Variants in CNTNAP4 observed in about 807,000 individuals in gnomAD.
CNTNAP4 encodes the protein contactin-associated protein-like 4.
In CNTNAP4, 98 loss-of-function variants were observed where a neutral mutation model predicts 148.4. That is an observed-to-expected ratio of 0.66 (90% confidence interval 0.56 to 0.78). The LOEUF is 0.78. Ranked by LOEUF, CNTNAP4 falls within the 30% of genes least tolerant of loss-of-function variation. CNTNAP4 has a pLI of 0.00. For synonymous variants in CNTNAP4, 730 were observed against 565.1 expected, an observed-to-expected ratio of 1.29 and a Z score of -4.14; for missense variants, 1,935 against 1,565.6, an observed-to-expected ratio of 1.24 and a Z score of -3.98.
At chr16:76,352,503 C>T (rs951529950) in intron 2 of CNTNAP4, among the ~76,000 whole-genome samples, 5 of 152,204 alleles carry the variant, frequency 3.3e-5, no homozygotes, top group Middle Eastern at 3.4e-3. Context: ...AGAGGCACTG[C>T]GGTGTCCTAG....
chr16:76,352,908 C>A (rs2012017011), intron 2 of CNTNAP4, among the ~76,000 whole-genome samples: 1 of 152,044 alleles, frequency 6.6e-6, no homozygotes, highest in South Asian at 2.1e-4. Context: ...TAGGAAGTAC[C>A]CTTCACGGAC....
chr16:76,558,490 G>T lies in CNTNAP4; in HGVS notation c.3734G>T (p.Gly1245Val). Residue 1245 changes from glycine to valine, a missense_variant and splice_region_variant, in exon 24 of 24, where the codon GGT becomes GTT. Coordinates refer to ENST00000611870, the MANE Select transcript of CNTNAP4 (RefSeq NM_033401.5). ...CTTTATATTTCTTTTCTCTCTCTAG[G>T]TCTGATAGCTGTTGTGATTTTTATC... The part of the protein sequence containing the change: ...AIKSDSAVIG[G>V]LIAVVIFILL... 6.4e-7 allele frequency: 1 copy of T among 1,574,706 alleles called. No homozygotes were observed. The highest frequency in any genetic ancestry group is 8.7e-7 in the Non-Finnish European group (1 of 1,146,170).
At chr16:76,366,370 A>C (rs1046159579) in intron 3 of CNTNAP4, among the ~76,000 whole-genome samples, 1 of 152,166 alleles carries the variant, frequency 6.6e-6, no homozygotes, top group Non-Finnish European at 1.5e-5. Context: ...ACTTATAAGT[A>C]GGAACATATA....
rs1292198875 is a variant in CNTNAP4 at position 76,460,793 on chromosome 16, T to TATATATATATATAC, written c.1334-1161_1334-1160insATATATATATACAT. On this transcript the variant is annotated intron_variant, in intron 8 of 23. Coordinates refer to ENST00000611870, the MANE Select transcript of CNTNAP4 (RefSeq NM_033401.5). ...AAAAAAATATATATATATATATATA[T>TATATATATATATAC]ATTTAGAATTGTATATAAATATATA... is the stretch of plus-strand genomic sequence containing the variant. Among the ~76,000 whole-genome samples, 401 of 110,240 alleles carry TATATATATATATAC rather than the reference T, an allele frequency of 3.6e-3. 3 individuals are homozygous for TATATATATATATAC. The highest frequency in any genetic ancestry group is 0.011 in the African/African-American group (288 of 26,666). The allele number at this position is 110,240 out of a possible 152,430, so 72.3% of individuals were successfully genotyped here.
rs556791858 is a variant in CNTNAP4, at chr16:76,553,568, C to T, written c.3661+67C>T. On this transcript the variant is annotated intron_variant, in intron 22 of 23. Coordinates refer to ENST00000611870, the MANE Select transcript of CNTNAP4 (RefSeq NM_033401.5). Reference sequence around the variant, plus strand: ...TGTCCATGGAATTTAGAAAACTTCTCATGTGGCTTTCAGGCTACCTTCTCA... The same window carrying T: ...TGTCCATGGAATTTAGAAAACTTCTTATGTGGCTTTCAGGCTACCTTCTCA... 5.1e-6 allele frequency: 6 copies of T among 1,182,006 alleles called. No homozygotes were observed. The South Asian group carries it at 8.6e-5, about 17-fold the overall frequency. The allele number at this position is 1,182,006 out of a possible 1,614,324, so 73.2% of individuals were successfully genotyped here. A position where few individuals can be genotyped will look rare whatever the true frequency, so the allele number is the denominator to read the frequency against.
intron 1 of CNTNAP4, among the ~76,000 whole-genome samples, chr16:76,299,477 T>A (rs922415068): frequency 2.0e-4 from 31 of 152,156 alleles, no homozygotes; most frequent in African/African-American, 7.2e-4. Context: ...ATGGCGATCA[T>A]TAAAAAGTCA....
chr16:76,441,268 A>T (rs1388954563), intron 4 of CNTNAP4, among the ~76,000 whole-genome samples: 1 of 152,180 alleles, frequency 6.6e-6, no homozygotes, highest in East Asian at 1.9e-4. Context: ...CGGTATTCAC[A>T]GAAAGCTCTC....
At chr16:76,512,273 G>A (rs2083057664) in intron 15 of CNTNAP4, among the ~76,000 whole-genome samples, 1 of 152,114 alleles carries the variant, frequency 6.6e-6, no homozygotes, top group Admixed American at 6.6e-5. Context: ...CGAGTGATAT[G>A]ATCTAACTCA....
intron 2 of CNTNAP4, among the ~76,000 whole-genome samples, chr16:76,328,815 T>G (rs969878663): frequency 6.6e-6 from 1 of 152,102 alleles, no homozygotes; most frequent in South Asian, 2.1e-4. Context: ...CTGGCTAATT[T>G]TGTATTTTTA....
intron 4 of CNTNAP4, among the ~76,000 whole-genome samples, chr16:76,438,748 C>G (rs921747183): frequency 6.6e-6 from 1 of 152,076 alleles, no homozygotes; most frequent in Non-Finnish European, 1.5e-5. Context: ...TTCCCACTTC[C>G]TCCTTCTTTC....
intron 2 of CNTNAP4, among the ~76,000 whole-genome samples, chr16:76,330,629 C>G (rs1287309568): frequency 6.6e-6 from 1 of 152,186 alleles, no homozygotes; most frequent in Non-Finnish European, 1.5e-5. Context: ...TATGAATTGG[C>G]TACCATTCAC....
At chr16:76,324,007 A>G (rs1319492153) in intron 2 of CNTNAP4, among the ~76,000 whole-genome samples, 14 of 152,176 alleles carry the variant, frequency 9.2e-5, no homozygotes, top group Non-Finnish European at 1.5e-5. Context: ...GTAATATTCT[A>G]CTGGCAATGT....
intron 2 of CNTNAP4, among the ~76,000 whole-genome samples, chr16:76,328,079 A>G (rs1963170436): frequency 6.6e-6 from 1 of 152,112 alleles, no homozygotes; most frequent in African/African-American, 2.4e-5. Flanking sequence ...ATTTATATAG[A>G]TTTTCTCCGT....
chr16:76,333,779 G>GTTTTGT (rs1963757855), intron 2 of CNTNAP4, among the ~76,000 whole-genome samples: 1 of 45,606 alleles, frequency 2.2e-5, no homozygotes, highest in African/African-American at 7.3e-5. Context: ...TGGGTTATAG[G>GTTTTGT]TTTTTTTTTT....
At chr16:76,371,884 A>C (rs1030795241) in intron 3 of CNTNAP4, among the ~76,000 whole-genome samples, 1 of 152,182 alleles carries the variant, frequency 6.6e-6, no homozygotes, top group African/African-American at 2.4e-5. Context: ...CCTTTCAATC[A>C]GGGCTTTCCA....
chr16:76,516,435 T>C (rs1341224044), intron 15 of CNTNAP4, among the ~76,000 whole-genome samples: 1 of 152,216 alleles, frequency 6.6e-6, no homozygotes, highest in African/African-American at 2.4e-5. Flanking sequence ...TCTTTGGGTG[T>C]ATGCCCAGTA....
intron 5 of CNTNAP4, 97 bp from the exon 6 acceptor site, chr16:76,448,670 G>C: frequency 1.2e-6 from 1 of 849,374 alleles, no homozygotes; most frequent in Non-Finnish European, 1.8e-6. Context: ...GAAGGAGATT[G>C]CAATTATTAT....
At chr16:76,430,112 C>G (rs2079556881) in intron 4 of CNTNAP4, among the ~76,000 whole-genome samples, 1 of 152,146 alleles carries the variant, frequency 6.6e-6, no homozygotes, top group Admixed American at 6.6e-5. Context: ...CATAGTCATG[C>G]TCACATTTTC....
intron 12 of CNTNAP4, among the ~76,000 whole-genome samples, chr16:76,484,655 G>C (rs190893952): frequency 1.3e-5 from 2 of 152,256 alleles, no homozygotes; most frequent in African/African-American, 2.4e-5. Flanking sequence ...GGAAACCAAG[G>C]CTCAGGGAGG....
Sources: gnomAD v4.1 joint callset for allele counts (sites outside exome capture counted in the v4.1 genomes callset) on GRCh38, gnomAD v4.1.1 for gene constraint, MANE v1.5 for transcripts, NCBI Gene and HGNC (gene_info 2026-07-23, HGNC 2026-07-21) for gene names.